Variants in TENM3 observed in about 807,000 individuals in gnomAD.
TENM3 encodes teneurin transmembrane protein 3, also known as teneurin-3.
In TENM3, 63 loss-of-function variants were observed where a neutral mutation model predicts 255.1. The ratio of observed to expected loss-of-function variants is 0.25; its 90% CI spans 0.20 to 0.30. TENM3 has a LOEUF of 0.30. TENM3 is among the 10% of genes least tolerant of loss of function. TENM3 has a pLI of 1.00. For missense variants in TENM3, 2,929 were observed against 3,461.1 expected (o/e 0.85, Z 3.86); for synonymous variants, 1,306 against 1,322.3 (o/e 0.99, Z 0.27).
At chr4:181,837,626 A>T in the TENM3 span, among the ~76,000 whole-genome samples, 1 of 152,174 alleles carries the variant, frequency 6.6e-6, no homozygotes, top group South Asian at 2.1e-4. Context: ...TCATTCCAGG[A>T]TCTGAGCTGA....
At chr4:181,467,117 ATATATATATTTTTTTTTT>A in the TENM3 span, among the ~76,000 whole-genome samples, 8 of 30,550 alleles carry the variant, frequency 2.6e-4, no homozygotes, top group Admixed American at 9.4e-4. Flanking sequence ...ATATATATAT[ATATATATATTTTTTTTTT>A]TTTTTTTTTT....
chr4:182,661,191 A>ATTTT (rs1754193779), intron 6 of TENM3, among the ~76,000 whole-genome samples: 3 of 113,330 alleles, frequency 2.6e-5, no homozygotes, highest in African/African-American at 1.0e-4. Flanking sequence ...TTTAAATTTT[A>ATTTT]ATTTTTTTTT....
chr4:182,378,715 T>C (rs994545647), intron 3 of TENM3, among the ~76,000 whole-genome samples: 1 of 152,104 alleles, frequency 6.6e-6, no homozygotes, highest in Non-Finnish European at 1.5e-5. Context: ...TTTGCAGAGT[T>C]TGGATTTGAA....
At chr4:182,717,190 C>T (rs1441980652) in intron 13 of TENM3, among the ~76,000 whole-genome samples, 1 of 152,174 alleles carries the variant, frequency 6.6e-6, no homozygotes, top group Non-Finnish European at 1.5e-5. Flanking sequence ...GCCCCATCAC[C>T]ACTGTTCAAT....
chr4:181,570,304 C>T, the TENM3 span, among the ~76,000 whole-genome samples: 1 of 152,038 alleles, frequency 6.6e-6, no homozygotes, highest in East Asian at 1.9e-4. Flanking sequence ...CTCGGCCTCC[C>T]AAAGTGCTGG....
At chr4:181,895,341 A>T in the TENM3 span, among the ~76,000 whole-genome samples, 1 of 152,120 alleles carries the variant, frequency 6.6e-6, no homozygotes, top group African/African-American at 2.4e-5. Context: ...GCAAACAATA[A>T]GTTTCTTTCT....
intron 3 of TENM3, among the ~76,000 whole-genome samples, chr4:182,379,934 A>G (rs1199785218): frequency 6.6e-6 from 1 of 152,192 alleles, no homozygotes; most frequent in African/African-American, 2.4e-5. Context: ...ACATTAGTAC[A>G]CAAGGCAGGC....
chr4:182,547,059 C>T (rs1266627456), intron 3 of TENM3, among the ~76,000 whole-genome samples: 1 of 152,092 alleles, frequency 6.6e-6, no homozygotes, highest in South Asian at 2.1e-4. Context: ...ATGTACCTCA[C>T]GTGATTAATT....
chr4:182,778,000 A>G (rs1003393822), intron 24 of TENM3, among the ~76,000 whole-genome samples: 4 of 152,120 alleles, frequency 2.6e-5, no homozygotes, highest in African/African-American at 9.7e-5. Context: ...AATAACAAGC[A>G]CAGGAAACTG....
chr4:182,565,530 G>C (rs1743688822), intron 3 of TENM3, among the ~76,000 whole-genome samples: 1 of 152,112 alleles, frequency 6.6e-6, no homozygotes, highest in African/African-American at 2.4e-5. Context: ...AAAGTATAAA[G>C]CCAAGTACCT....
chr4:182,198,456 ACT>A (rs966978581), intron 1 of TENM3, among the ~76,000 whole-genome samples: 1 of 152,252 alleles, frequency 6.6e-6, no homozygotes, highest in African/African-American at 2.4e-5. Flanking sequence ...TCAGAGCGAC[ACT>A]CACATCAGGA....
chr4:182,125,559 CAA>C, the TENM3 span, among the ~76,000 whole-genome samples: 1 of 152,074 alleles, frequency 6.6e-6, no homozygotes, highest in Non-Finnish European at 1.5e-5. Context: ...GCCATCTTGA[CAA>C]AAGTGTTTTC....
intron 3 of TENM3, among the ~76,000 whole-genome samples, chr4:182,482,180 G>A (rs978797415): frequency 6.6e-5 from 10 of 152,076 alleles, no homozygotes; most frequent in South Asian, 4.2e-4. Context: ...ATTGAGACAT[G>A]CTGACCTAGA....
intron 3 of TENM3, among the ~76,000 whole-genome samples, chr4:182,357,179 C>T (rs964751822): frequency 2.0e-5 from 3 of 151,920 alleles, no homozygotes; most frequent in Non-Finnish European, 4.4e-5. Flanking sequence ...AATAAACATA[C>T]GTGTGCATGT....
chr4:182,346,108 CAAA>C (rs1764786319), intron 2 of TENM3, among the ~76,000 whole-genome samples: 2 of 151,336 alleles, frequency 1.3e-5, no homozygotes, highest in Non-Finnish European at 2.9e-5. Context: ...TACATACATA[CAAA>C]ATACTACGTG....
At chr4:181,517,978 A>C in the TENM3 span, among the ~76,000 whole-genome samples, 1 of 152,150 alleles carries the variant, frequency 6.6e-6, no homozygotes, top group Non-Finnish European at 1.5e-5. Context: ...AATCAGACGG[A>C]GGGATTAACA....
rs1156701847 is a variant in TENM3 at position 182,161,909 on chromosome 4, AC to A, written c.-76+17156del. 4.5e-4 allele frequency among the ~76,000 whole-genome samples: 23 copies of A among 50,658 alleles called. 4 individuals carry two copies. Among genetic ancestry groups the A allele is most frequent in the African/African-American group, 1.2e-3 (17 of 14,174 alleles). The allele number at this position is 50,658 out of a possible 152,430, so 33.2% of individuals were successfully genotyped here. ...CACACATATATGTGTATATATACAC[AC>A]ACATGTATGTGTATATATATACACA... is the stretch of plus-strand genomic sequence containing the variant. On this transcript the variant is annotated intron_variant, in intron 1 of 2. Transcript: ENST00000512480.
intron 3 of TENM3, among the ~76,000 whole-genome samples, chr4:182,487,183 C>T (rs976583355): frequency 6.6e-6 from 1 of 152,102 alleles, no homozygotes; most frequent in Admixed American, 6.6e-5. Flanking sequence ...CATAGCTAGC[C>T]CTTTTTATGA....
intron 12 of TENM3, among the ~76,000 whole-genome samples, chr4:182,691,183 ACT>A (rs1756980757): frequency 6.6e-6 from 1 of 151,998 alleles, no homozygotes; most frequent in Admixed American, 6.6e-5. Context: ...CACCCAGGAA[ACT>A]CTGGTGTGTT....
Sources: allele counts gnomAD v4.1 joint callset (sites outside exome capture counted in the v4.1 genomes callset), GRCh38; gene constraint gnomAD v4.1.1; transcripts MANE v1.5; gene names NCBI Gene and HGNC (gene_info 2026-07-23, HGNC 2026-07-21).